Variants in METTL24 observed in about 807,000 individuals in gnomAD.
The protein encoded by METTL24 is methyltransferase like 24.
METTL24 carries 29 observed loss-of-function variants against 32.7 expected under a neutral mutation model. The observed-to-expected ratio is 0.89, with a 90% CI of 0.66 to 1.21. METTL24 has a LOEUF of 1.21. Ranked by LOEUF, METTL24 falls within the 50% of genes most tolerant of loss-of-function variation. The pLI, the probability that METTL24 is intolerant of heterozygous loss-of-function variation, is 0.00. For synonymous variants in METTL24, 163 were observed against 179.5 expected (o/e 0.91, Z 0.73); for missense variants, 439 against 468.1 (o/e 0.94, Z 0.57).
chr6:110,279,507 T>C (rs930051768), intron 4 of METTL24, among the ~76,000 whole-genome samples: 1 of 152,206 alleles, frequency 6.6e-6, no homozygotes, highest in Admixed American at 6.6e-5. Context: ...GTACCGTTTA[T>C]GGTAGTAAAA....
In METTL24 at chr6:110,322,953, G is replaced by A. The variant is rs140597634; in HGVS notation, c.319-81C>T. The A allele has an allele frequency of 2.7e-4, 310 of 1,133,480 alleles. 2 individuals are homozygous for A. In the African/African-American group the frequency reaches 4.2e-3, roughly 15 times the overall value. 70.2% of individuals were successfully genotyped at this position (1,133,480 alleles called of 1,614,324 possible). ...AGAAGGACACAGTATCAGAGAGGAA[G>A]CAAGGCTGCTTTGGCTGTCAGCAAA... On this transcript the variant is annotated intron_variant, in intron 1 of 4. Transcript: ENST00000338882.
intron 4 of METTL24, among the ~76,000 whole-genome samples, chr6:110,278,327 G>C (rs780431076): frequency 6.6e-5 from 10 of 152,190 alleles, no homozygotes; most frequent in Admixed American, 2.6e-4. Context: ...AGCTAGAAGA[G>C]GCTAAACTTT....
intron 1 of METTL24, among the ~76,000 whole-genome samples, chr6:110,352,836 G>T (rs1772634877): frequency 2.0e-5 from 3 of 152,150 alleles, no homozygotes; most frequent in Non-Finnish European, 4.4e-5. Context: ...AAACTCAAAT[G>T]CCTACCCTTG....
intron 1 of METTL24, among the ~76,000 whole-genome samples, chr6:110,323,114 G>A (rs1231621783): frequency 2.0e-5 from 3 of 152,186 alleles, no homozygotes; most frequent in African/African-American, 7.2e-5. Context: ...AGAATGCAAA[G>A]GCCCCAGGAC....
chr6:110,334,579 G>A (rs9386888), intron 1 of METTL24, among the ~76,000 whole-genome samples: 14,736 of 152,226 alleles, frequency 0.097, 901 homozygotes, highest in East Asian at 0.22. Flanking sequence ...GCTCTGCCAC[G>A]AGTAGACAGG....
chr6:110,295,005 C>CTT (rs1562228256), intron 4 of METTL24, among the ~76,000 whole-genome samples: 9 of 96,852 alleles, frequency 9.3e-5, no homozygotes, highest in African/African-American at 3.3e-4. Flanking sequence ...TTCTTTTTTT[C>CTT]TTTCTTTCTT....
rs182996132 is a variant in METTL24, at chr6:110,347,326, G to A, written c.318+10629C>T. On this transcript the variant is annotated intron_variant, in intron 1 of 4. Transcript: ENST00000338882. ...AAAATGAGAACAATTCCTACCTCAC[G>A]GTTTTGTTTTGAGAATTAAATGAAA... is the stretch of plus-strand genomic sequence containing the variant. 3.3e-3 allele frequency among the ~76,000 whole-genome samples: 506 copies of A among 152,188 alleles called. 3 individuals carry two copies. Among genetic ancestry groups the A allele is most frequent in the African/African-American group, 0.012 (481 of 41,528 alleles).
intron 1 of METTL24, among the ~76,000 whole-genome samples, chr6:110,341,952 G>A (rs906504097): frequency 6.6e-6 from 1 of 152,146 alleles, no homozygotes; most frequent in Non-Finnish European, 1.5e-5. Context: ...TGCATAGGAT[G>A]CTTCTGGCAC....
At chr6:110,345,315 T>C (rs796234848) in intron 1 of METTL24, among the ~76,000 whole-genome samples, 23 of 152,342 alleles carry the variant, frequency 1.5e-4, no homozygotes, top group African/African-American at 5.5e-4. Flanking sequence ...GGAACATTTA[T>C]ACACGGTTGG....
At chr6:110,323,762 G>A (rs775307584) in intron 1 of METTL24, among the ~76,000 whole-genome samples, 1 of 152,136 alleles carries the variant, frequency 6.6e-6, no homozygotes, top group East Asian at 1.9e-4. Context: ...GCTGGGGGAA[G>A]GGAGAGCTCC....
rs774276178 is a variant in METTL24, at chr6:110,299,088, C to T, written c.620G>A (p.Arg207His). The stretch of plus-strand genomic sequence containing the variant: ...AGCTGACTTGACACTAGGATCAAAA[C>T]GATGCACTTCACATCCGTTGTTGGC... ...SMANNGCEVH[R>H]FDPSVKSAHI... Residue 207 changes from arginine to histidine, a missense_variant, in exon 4 of 5, where the codon CGT becomes CAT. Physicochemically the swap from Arg to His is conservative, Grantham distance 29. Transcript: ENST00000338882. 5.8e-5 allele frequency: 94 copies of T among 1,614,034 alleles called. No homozygotes were observed. Among genetic ancestry groups the T allele is most frequent in the Non-Finnish European group, 6.9e-5 (82 of 1,180,024 alleles).
intron 4 of METTL24, among the ~76,000 whole-genome samples, chr6:110,280,317 C>T (rs554514663): frequency 5.3e-5 from 8 of 152,236 alleles, no homozygotes; most frequent in African/African-American, 1.9e-4. Context: ...TTGCTTTGGG[C>T]CCTTAACGAA....
At chr6:110,343,195 G>C (rs1382158883) in intron 1 of METTL24, among the ~76,000 whole-genome samples, 1 of 152,124 alleles carries the variant, frequency 6.6e-6, no homozygotes, top group Admixed American at 6.5e-5. Flanking sequence ...AGCCAAAGGA[G>C]AAAATGAAGA....
intron 4 of METTL24, among the ~76,000 whole-genome samples, chr6:110,252,833 C>T (rs144565659): frequency 5.3e-4 from 80 of 152,292 alleles, no homozygotes; most frequent in African/African-American, 1.7e-3. Flanking sequence ...ATGGGATCAA[C>T]CTATGTGGTC....
At chr6:110,346,652 G>A (rs563603141) in intron 1 of METTL24, among the ~76,000 whole-genome samples, 28 of 152,198 alleles carry the variant, frequency 1.8e-4, no homozygotes, top group East Asian at 1.9e-4. Context: ...TTACAGGCAT[G>A]TGCCATCACG....
chr6:110,303,263 AG>A (rs1771569985), intron 3 of METTL24, among the ~76,000 whole-genome samples: 1 of 151,992 alleles, frequency 6.6e-6, no homozygotes, highest in Non-Finnish European at 1.5e-5. Flanking sequence ...AGCTAGCTGC[AG>A]GAGTTTTTTT....
intron 1 of METTL24, among the ~76,000 whole-genome samples, chr6:110,355,747 CAA>C (rs898975260): frequency 2.0e-5 from 3 of 152,242 alleles, no homozygotes; most frequent in East Asian, 3.9e-4. Context: ...ACAAAACAAA[CAA>C]GAGAGAAATA....
At chr6:110,248,426 C>T (rs897181030) in intron 4 of METTL24, among the ~76,000 whole-genome samples, 2 of 152,142 alleles carry the variant, frequency 1.3e-5, no homozygotes, top group Admixed American at 6.5e-5. Context: ...TGGATTGTAC[C>T]TCCTGGTCCA....
chr6:110,297,978 G>GGAAGAT (rs1234301228), intron 4 of METTL24, among the ~76,000 whole-genome samples: 5 of 152,046 alleles, frequency 3.3e-5, no homozygotes, highest in Non-Finnish European at 7.4e-5. Flanking sequence ...ACAAGGAAGA[G>GGAAGAT]GAAGATGAAG....
Sources: allele counts gnomAD v4.1 joint callset (sites outside exome capture counted in the v4.1 genomes callset), GRCh38; gene constraint gnomAD v4.1.1; transcripts MANE v1.5; gene names NCBI Gene and HGNC (gene_info 2026-07-23, HGNC 2026-07-21).